MTURN: variants seen among roughly 807,000 people sequenced by gnomAD.
MTURN encodes the protein maturin, neural progenitor differentiation regulator homolog.
A neutral mutation model predicts 14.9 loss-of-function variants in MTURN; 7 were observed. That is an observed-to-expected ratio of 0.47 (90% CI 0.27 to 0.88). The LOEUF (loss-of-function observed/expected upper bound fraction) is 0.88, where lower values mean the gene tolerates loss of function less well. MTURN is among the 40% of genes least tolerant of loss of function. The pLI is 0.14. For synonymous variants in MTURN, 69 were observed against 72.5 expected (o/e 0.95, Z 0.25); for missense variants, 151 against 174.1 (o/e 0.87, Z 0.75).
At chr7:30,143,806 C>A (rs1045786372) in intron 1 of MTURN, among the ~76,000 whole-genome samples, 1 of 152,208 alleles carries the variant, frequency 6.6e-6, no homozygotes, top group Non-Finnish European at 1.5e-5. Flanking sequence ...AAACACTTAG[C>A]TAAATATACT....
At chr7:30,144,466 A>G (rs1031653898) in intron 1 of MTURN, among the ~76,000 whole-genome samples, 3 of 152,204 alleles carry the variant, frequency 2.0e-5, no homozygotes, top group Non-Finnish European at 4.4e-5. Flanking sequence ...TGTACAATGG[A>G]AGAGACTATT....
chr7:30,156,822 T>TGAA (rs1476705085), intron 2 of MTURN, among the ~76,000 whole-genome samples: 3 of 133,496 alleles, frequency 2.2e-5, no homozygotes, highest in African/African-American at 8.7e-5. Flanking sequence ...AGACTCCCTC[T>TGAA]CAAAAAAAAA....
Position 30,161,935 on chromosome 7 carries a change from T to G in MTURN, c.*4387T>G, listed in dbSNP as rs1797380347. 6.6e-6 allele frequency: 1 copy of G among 152,122 alleles called. No individual in the cohort carries two copies. Among genetic ancestry groups the G allele is most frequent in the South Asian group, 2.1e-4 (1 of 4,830 alleles). The allele number at this position is 152,122 out of a possible 1,614,324, so 9.4% of individuals were successfully genotyped here. A position where few individuals can be genotyped will look rare whatever the true frequency, so the allele number is the denominator to read the frequency against. On this transcript the variant is annotated 3_prime_UTR_variant, in exon 3 of 3. Transcript: ENST00000324453. The stretch of plus-strand genomic sequence containing the variant: ...TGGTAGCCTGTGGTGTCCATGGCAA[T>G]GGGTGTCCATGGTAAAATATCTATA...
chr7:30,145,998 A>C, intron 1 of MTURN, 179 bp from the exon 2 acceptor site: 1 of 1,549,246 alleles, frequency 6.5e-7, no homozygotes, highest in Non-Finnish European at 8.7e-7. Flanking sequence ...TAGATTAGAC[A>C]TTTTTTCTTC....
rs1209124270 is a variant in MTURN, at chr7:30,159,227, A to G, written c.*1679A>G. 6.6e-6 allele frequency: 1 copy of G among 152,198 alleles called. No individual in the cohort carries two copies. Among genetic ancestry groups the G allele is most frequent in the Non-Finnish European group, 1.5e-5 (1 of 68,032 alleles). 9.4% of individuals were successfully genotyped at this position (152,198 alleles called of 1,614,324 possible). A position where few individuals can be genotyped will look rare whatever the true frequency, so the allele number is the denominator to read the frequency against. Reference sequence around the variant, plus strand: ...CCAAGTAGCCTATTAGTAAAACACAACTTAGTGTTTCATCCATTGGGGTGA... The same window carrying G: ...CCAAGTAGCCTATTAGTAAAACACAGCTTAGTGTTTCATCCATTGGGGTGA... On this transcript the variant is annotated 3_prime_UTR_variant, in exon 3 of 3. Transcript: ENST00000324453.
At chr7:30,151,608 T>C (rs1243038175) in intron 2 of MTURN, among the ~76,000 whole-genome samples, 1 of 152,232 alleles carries the variant, frequency 6.6e-6, no homozygotes, top group African/African-American at 2.4e-5. Context: ...CTCAAAGTGT[T>C]ATGGGCTTAA....
Position 30,157,047 on chromosome 7 carries a change from C to T in MTURN, c.286-391C>T, listed in dbSNP as rs908190363. On this transcript the variant is annotated intron_variant, in intron 2 of 2. Coordinates refer to ENST00000324453, the MANE Select transcript of MTURN (RefSeq NM_152793.3). The stretch of plus-strand genomic sequence containing the variant: ...TAATAGCACCAATAAATAATAGCAC[C>T]GTGTGTTTTTAGGACAGAAAATACA... Among the ~76,000 whole-genome samples, 6 of 151,762 alleles carry T rather than the reference C, an allele frequency of 4.0e-5. No individual in the cohort carries two copies. In the East Asian group the frequency reaches 5.8e-4, roughly 15 times the overall value.
Position 30,158,621 on chromosome 7 carries a change from CTT to C in MTURN, c.*1076_*1077del, listed in dbSNP as rs1373668513. 6.6e-6 allele frequency: 1 copy of C among 152,128 alleles called. No homozygotes were observed. The highest frequency in any genetic ancestry group is 2.4e-5 in the African/African-American group (1 of 41,408). 9.4% of individuals were successfully genotyped at this position (152,128 alleles called of 1,614,324 possible). A position where few individuals can be genotyped will look rare whatever the true frequency, so the allele number is the denominator to read the frequency against. ...TGTAAAGGGACACGAAGGTAGGAAT[CTT>C]TTAATCGTGGGTTAGCTTGGTTAAC... On this transcript the variant is annotated 3_prime_UTR_variant, in exon 3 of 3. Coordinates refer to ENST00000324453, the MANE Select transcript of MTURN (RefSeq NM_152793.3).
At position 30,162,200 on chromosome 7, in the gene MTURN, G is replaced by A. The variant is rs1004387700; in HGVS notation, c.*4652G>A. 1 of 152,174 alleles carries A rather than the reference G, an allele frequency of 6.6e-6. No individual in the cohort carries two copies. Among genetic ancestry groups the A allele is most frequent in the African/African-American group, 2.4e-5 (1 of 41,426 alleles). 9.4% of individuals were successfully genotyped at this position (152,174 alleles called of 1,614,324 possible). A position where few individuals can be genotyped will look rare whatever the true frequency, so the allele number is the denominator to read the frequency against. On this transcript the variant is annotated 3_prime_UTR_variant, in exon 3 of 3. Coordinates refer to ENST00000324453, the MANE Select transcript of MTURN (RefSeq NM_152793.3). ...GCTGTATTCAAGTTGTTTGATACCA[G>A]ACAGAAAGCTGACAGTCTGTTCTTT...
intron 1 of MTURN, among the ~76,000 whole-genome samples, chr7:30,135,972 A>C (rs915981484): frequency 5.9e-5 from 9 of 151,864 alleles, no homozygotes; most frequent in African/African-American, 1.7e-4. Context: ...ACACCCCAAC[A>C]CACACACACA....
In MTURN at chr7:30,161,271, A is replaced by G. The variant is rs988908633; in HGVS notation, c.*3723A>G. 19 of 152,180 alleles carry G rather than the reference A, an allele frequency of 1.2e-4. No homozygotes were observed. The highest frequency in any genetic ancestry group is 4.6e-4 in the African/African-American group (19 of 41,402). The allele number at this position is 152,180 out of a possible 1,614,324, so 9.4% of individuals were successfully genotyped here. A position where few individuals can be genotyped will look rare whatever the true frequency, so the allele number is the denominator to read the frequency against. ...GGAGATGAATAAGGGAGAATGGGAG[A>G]GTTGGGGTCTGACAGTTACCACCTG... On this transcript the variant is annotated 3_prime_UTR_variant, in exon 3 of 3. Coordinates refer to ENST00000324453, the MANE Select transcript of MTURN (RefSeq NM_152793.3).
intron 1 of MTURN, among the ~76,000 whole-genome samples, chr7:30,145,012 G>GT (rs11430174): frequency 0.062 from 8,691 of 139,290 alleles, 342 homozygotes; most frequent in Admixed American, 0.11. Context: ...GTACCTGACA[G>GT]ATACTCTGAT....
intron 2 of MTURN, among the ~76,000 whole-genome samples, chr7:30,149,337 A>C (rs1797173926): frequency 6.6e-6 from 1 of 152,128 alleles, no homozygotes; most frequent in South Asian, 2.1e-4. Context: ...GTGGCTCCCC[A>C]GGTGAGGAGG....
intron 1 of MTURN, among the ~76,000 whole-genome samples, chr7:30,136,024 A>G (rs907050513): frequency 0.016 from 2 of 124 alleles, no homozygotes; most frequent in Non-Finnish European, 0.03. Flanking sequence ...ACTCACGCGC[A>G]CACGCGGCAC....
chr7:30,137,950 A>G (rs1259690909), intron 1 of MTURN, among the ~76,000 whole-genome samples: 1 of 152,180 alleles, frequency 6.6e-6, no homozygotes, highest in African/African-American at 2.4e-5. Context: ...GAATACAAAT[A>G]GGGTCTCTGC....
chr7:30,144,555 A>C (rs1260129640), intron 1 of MTURN, among the ~76,000 whole-genome samples: 1 of 152,246 alleles, frequency 6.6e-6, no homozygotes, highest in East Asian at 1.9e-4. Flanking sequence ...TGTTCGCTAA[A>C]GCTAGAGAGC....
intron 2 of MTURN, among the ~76,000 whole-genome samples, chr7:30,154,473 T>C (rs1001560920): frequency 6.6e-6 from 1 of 152,192 alleles, no homozygotes; most frequent in Non-Finnish European, 1.5e-5. Flanking sequence ...ATAGCTAGAT[T>C]ACATCACATC....
intron 1 of MTURN, 128 bp downstream of exon 1, chr7:30,135,426 C>A: frequency 1.3e-6 from 1 of 782,846 alleles, no homozygotes; most frequent in Non-Finnish European, 1.6e-6. Context: ...CCGCGCCCCG[C>A]GCCCCGCGTG....
intron 1 of MTURN, chr7:30,137,495 C>T (rs1011385337): frequency 4.8e-6 from 2 of 415,044 alleles, no homozygotes; most frequent in South Asian, 1.7e-5. Context: ...AAATATTTTC[C>T]CATCTGCATG....
Sources: gnomAD v4.1 joint callset for allele counts (sites outside exome capture counted in the v4.1 genomes callset) on GRCh38, gnomAD v4.1.1 for gene constraint, MANE v1.5 for transcripts, NCBI Gene and HGNC (gene_info 2026-07-23, HGNC 2026-07-21) for gene names.